LPP: variants seen among roughly 807,000 people sequenced by gnomAD.
The protein encoded by LPP is lipoma-preferred partner.
Under a neutral mutation model 60.4 loss-of-function variants are expected in LPP, and 38 were observed. That is an observed-to-expected ratio of 0.63 (90% CI 0.49 to 0.83). The LOEUF (loss-of-function observed/expected upper bound fraction) is 0.83. LPP is among the 40% of genes least tolerant of loss of function. LPP has a pLI of 0.00. For missense variants in LPP, 902 were observed against 783.6 expected, an observed-to-expected ratio of 1.15 and a Z score of -1.80; for synonymous variants, 328 against 290.8, an observed-to-expected ratio of 1.13 and a Z score of -1.30.
At chr3:188,287,930 G>T (rs1428954978) in intron 2 of LPP, among the ~76,000 whole-genome samples, 1 of 152,126 alleles carries the variant, frequency 6.6e-6, no homozygotes, top group Non-Finnish European at 1.5e-5. Context: ...TTATCTGTCA[G>T]ATTCAATGCT....
At chr3:188,606,489 T>C (rs1019597315) in intron 6 of LPP, among the ~76,000 whole-genome samples, 1 of 152,164 alleles carries the variant, frequency 6.6e-6, no homozygotes, top group East Asian at 1.9e-4. Context: ...GTTCTGTTTT[T>C]TTGGATATTC....
At chr3:188,155,784 C>T (rs568239227) in intron 1 of LPP, among the ~76,000 whole-genome samples, 4 of 152,192 alleles carry the variant, frequency 2.6e-5, no homozygotes, top group East Asian at 1.9e-4. Flanking sequence ...GAGGCCAAGG[C>T]GGGCGGATTG....
At chr3:188,314,822 T>TAAACAAAC (rs990979131) in intron 2 of LPP, among the ~76,000 whole-genome samples, 1 of 152,092 alleles carries the variant, frequency 6.6e-6, no homozygotes, top group African/African-American at 2.4e-5. Flanking sequence ...CATCTCAAAA[T>TAAACAAAC]AAACAAACAA....
intron 9 of LPP, among the ~76,000 whole-genome samples, chr3:188,774,728 C>A (rs1257128238): frequency 2.0e-5 from 3 of 152,126 alleles, no homozygotes; most frequent in African/African-American, 7.2e-5. Context: ...TAGATAGCCA[C>A]CCTCTCACTG....
chr3:188,412,480 G>T (rs911443318), intron 4 of LPP, among the ~76,000 whole-genome samples: 1 of 152,114 alleles, frequency 6.6e-6, no homozygotes, highest in African/African-American at 2.4e-5. Context: ...ACTCTCTGAG[G>T]TAGGTAGAAC....
chr3:188,763,247 C>A (rs1732989746), intron 9 of LPP, among the ~76,000 whole-genome samples: 1 of 145,692 alleles, frequency 6.9e-6, no homozygotes, highest in Admixed American at 6.9e-5. Flanking sequence ...GTCAGTGTGC[C>A]TGTCTTTTTT....
At chr3:188,161,614 A>G (rs950105457) in intron 1 of LPP, among the ~76,000 whole-genome samples, 2 of 152,264 alleles carry the variant, frequency 1.3e-5, no homozygotes, top group East Asian at 3.9e-4. Context: ...CTGCTCAATC[A>G]CACCCTTGTC....
At position 188,887,448 on chromosome 3, in the gene LPP, G is replaced by A. The variant is rs546367122; in HGVS notation, c.*12969G>A. 3.3e-5 allele frequency: 7 copies of A among 214,296 alleles called. No individual in the cohort carries two copies. The highest frequency in any genetic ancestry group is 6.6e-5 in the Non-Finnish European group (7 of 106,082). The allele number at this position is 214,296 out of a possible 1,614,324, so 13.3% of individuals were successfully genotyped here. A position where few individuals can be genotyped will look rare whatever the true frequency, so the allele number is the denominator to read the frequency against. On this transcript the variant is annotated 3_prime_UTR_variant, in exon 12 of 12. Coordinates refer to ENST00000617246, the MANE Select transcript of LPP (RefSeq NM_001375462.1). ...ATTCCTTCAAACATAAACTTTGAGA[G>A]TAAAAGAGATTTTTATAATTTAAAT...
intron 6 of LPP, among the ~76,000 whole-genome samples, chr3:188,585,135 T>A (rs1247396432): frequency 6.6e-6 from 1 of 152,192 alleles, no homozygotes; most frequent in Non-Finnish European, 1.5e-5. Flanking sequence ...CACGGCATAA[T>A]CTAACTTTAA....
At chr3:188,849,335 A>G (rs1025634330) in intron 9 of LPP, among the ~76,000 whole-genome samples, 3 of 152,212 alleles carry the variant, frequency 2.0e-5, no homozygotes, top group Admixed American at 6.5e-5. Flanking sequence ...GAGGTTCTAA[A>G]GAAAGAAAGG....
chr3:188,213,742 A>G (rs1236375025), intron 1 of LPP, among the ~76,000 whole-genome samples: 2 of 151,900 alleles, frequency 1.3e-5, no homozygotes, highest in African/African-American at 4.8e-5. Context: ...TGCTCCCTAT[A>G]TCTTTCTCTT....
intron 4 of LPP, among the ~76,000 whole-genome samples, chr3:188,475,698 G>C (rs1802983069): frequency 6.6e-6 from 1 of 152,098 alleles, no homozygotes; most frequent in South Asian, 2.1e-4. Context: ...GTGAGGAGAT[G>C]GAGACCATCC....
chr3:188,846,618 A>G (rs1263226450), intron 9 of LPP, among the ~76,000 whole-genome samples: 1 of 138,396 alleles, frequency 7.2e-6, no homozygotes, highest in East Asian at 2.3e-4. Flanking sequence ...CAGGAGGTGG[A>G]GGTTGCAGTG....
chr3:188,698,912 C>T (rs867884235), intron 7 of LPP, among the ~76,000 whole-genome samples: 1 of 152,158 alleles, frequency 6.6e-6, no homozygotes, highest in African/African-American at 2.4e-5. Flanking sequence ...ATGTGAAATT[C>T]GGGTACACTA....
intron 9 of LPP, among the ~76,000 whole-genome samples, chr3:188,786,382 CAAAAAAAAAA>C (rs57565042): frequency 0.018 from 1,348 of 76,612 alleles, 18 homozygotes; most frequent in Middle Eastern, 0.048. Context: ...GACTCCGTCT[CAAAAAAAAAA>C]AAAAAAAAAA....
intron 8 of LPP, among the ~76,000 whole-genome samples, chr3:188,745,151 G>T (rs914199289): frequency 6.6e-6 from 1 of 151,994 alleles, no homozygotes; most frequent in Non-Finnish European, 1.5e-5. Context: ...AGATATTTCT[G>T]TGTGGTTCTC....
intron 9 of LPP, among the ~76,000 whole-genome samples, chr3:188,764,482 T>C (rs1167139497): frequency 6.6e-6 from 1 of 152,186 alleles, no homozygotes; most frequent in African/African-American, 2.4e-5. Context: ...ATTTCTTGGC[T>C]GTAGTTGCTA....
At position 188,343,656 on chromosome 3, in the gene LPP, G is replaced by A. The variant is rs1763616899; in HGVS notation, c.-10+1937G>A. Among the ~76,000 whole-genome samples, 6 of 152,264 alleles carry A rather than the reference G, an allele frequency of 3.9e-5. 2 individuals are homozygous for A. In the South Asian group the frequency reaches 1.2e-3, roughly 32 times the overall value. The stretch of plus-strand genomic sequence containing the variant: ...AACTATCAAGAGGAGTTTTAAGCAA[G>A]CCCTGAAAGGTTACAAAAATTACTC... On this transcript the variant is annotated intron_variant, in intron 3 of 11. Transcript: ENST00000617246.
chr3:188,160,969 A>G (rs910227820), intron 1 of LPP, among the ~76,000 whole-genome samples: 2 of 152,212 alleles, frequency 1.3e-5, no homozygotes, highest in Non-Finnish European at 2.9e-5. Context: ...AGGAGTTTAC[A>G]TGGTGGATAG....
Sources: allele counts gnomAD v4.1 joint callset (sites outside exome capture counted in the v4.1 genomes callset), GRCh38; gene constraint gnomAD v4.1.1; transcripts MANE v1.5; gene names NCBI Gene and HGNC (gene_info 2026-07-23, HGNC 2026-07-21).